IKBKB: variants seen among roughly 807,000 people sequenced by gnomAD.
IKBKB encodes the protein inhibitor of nuclear factor kappa-B kinase subunit beta.
IKBKB carries 42 observed loss-of-function variants against 113.6 expected under a neutral mutation model. The observed-to-expected ratio is 0.37, with a 90% CI of 0.29 to 0.48. IKBKB has a LOEUF of 0.48. Ranked by LOEUF, IKBKB falls within the 20% of genes least tolerant of loss-of-function variation. IKBKB has a pLI of 0.99. For missense variants in IKBKB, 673 were observed against 939.7 expected, an observed-to-expected ratio of 0.72 and a Z score of 3.71; for synonymous variants, 296 against 361.3, an observed-to-expected ratio of 0.82 and a Z score of 2.05.
At chr8:42,283,203 A>G (rs1425844434) in intron 2 of IKBKB, among the ~76,000 whole-genome samples, 1 of 152,180 alleles carries the variant, frequency 6.6e-6, no homozygotes, top group Non-Finnish European at 1.5e-5. Context: ...ATTTGTAGCT[A>G]GACAGATTAC....
At chr8:42,306,178 G>A (rs867300355) in intron 6 of IKBKB, among the ~76,000 whole-genome samples, 165 bp from the exon 7 acceptor site, 1 of 152,148 alleles carries the variant, frequency 6.6e-6, no homozygotes, top group Admixed American at 6.5e-5. Context: ...TGAATCTACC[G>A]TGTCGAGGGC....
At chr8:42,288,601 G>A (rs752277472) in intron 2 of IKBKB, 33 bp from the exon 3 acceptor site, 26 of 1,563,980 alleles carry the variant, frequency 1.7e-5, no homozygotes, top group South Asian at 3.4e-5. Context: ...CCTGCAGCTC[G>A]CTCTGCTGGT....
At chr8:42,319,503 A>G (rs1819365072) in intron 14 of IKBKB, 82 bp downstream of exon 14, 3 of 1,589,912 alleles carry the variant, frequency 1.9e-6, no homozygotes, top group Non-Finnish European at 2.6e-6. Context: ...GTCCTATTAT[A>G]ATTGAGTTGC....
intron 5 of IKBKB, chr8:42,297,948 C>G (rs1476249120): frequency 4.2e-6 from 1 of 237,232 alleles, no homozygotes; most frequent in Non-Finnish European, 6.8e-6. Context: ...GAGGTGAGCC[C>G]CCTGCATCCT....
chr8:42,317,016 C>T (rs780353502), intron 11 of IKBKB, 112 bp downstream of exon 11: 3 of 1,024,434 alleles, frequency 2.9e-6, no homozygotes, highest in Non-Finnish European at 4.4e-6. Flanking sequence ...GTTAATCACA[C>T]AGTGCGGATA....
At chr8:42,296,380 C>A (rs1169183209) in intron 5 of IKBKB, among the ~76,000 whole-genome samples, 1 of 152,156 alleles carries the variant, frequency 6.6e-6, no homozygotes, top group Non-Finnish European at 1.5e-5. Context: ...GCCTATAATC[C>A]CAGCACTTTG....
At chr8:42,272,010 G>C (rs1807867785) in intron 1 of IKBKB, 73 bp from the exon 2 acceptor site, 2 of 1,440,860 alleles carry the variant, frequency 1.4e-6, no homozygotes. Context: ...GGTATCTCTT[G>C]CCTTCTCCAT....
chr8:42,294,056 C>T (rs1002035698), intron 5 of IKBKB, among the ~76,000 whole-genome samples: 2 of 152,226 alleles, frequency 1.3e-5, no homozygotes, highest in African/African-American at 2.4e-5. Context: ...CTCCTAGACC[C>T]TGGCGCTCAC....
chr8:42,289,225 AAG>A (rs899952764), intron 3 of IKBKB, among the ~76,000 whole-genome samples: 6 of 152,072 alleles, frequency 3.9e-5, no homozygotes, highest in Non-Finnish European at 7.4e-5. Flanking sequence ...AAAAAAAGAG[AAG>A]AGAGTCTTAA....
chr8:42,301,820 T>G (rs1815270383), intron 5 of IKBKB, among the ~76,000 whole-genome samples: 1 of 152,196 alleles, frequency 6.6e-6, no homozygotes, highest in Non-Finnish European at 1.5e-5. Flanking sequence ...ATCCGAATGC[T>G]CCTCCTCTTC....
At chr8:42,286,982 T>C (rs1469824129) in intron 2 of IKBKB, among the ~76,000 whole-genome samples, 6 of 152,214 alleles carry the variant, frequency 3.9e-5, no homozygotes, top group African/African-American at 1.4e-4. Context: ...TCAGCTTGTT[T>C]AGCAGTGGCA....
At position 42,331,580 on chromosome 8, in the gene IKBKB, A is replaced by G. The variant is rs199635743; in HGVS notation, c.*601A>G. On this transcript the variant is annotated 3_prime_UTR_variant, in exon 22 of 22. Transcript: ENST00000520810. Reference sequence around the variant, plus strand: ...CATCCTCACTTCCTCTTTTTATTTCACTGCTGCTAAAATTGTGTTTTTACC... The same window carrying G: ...CATCCTCACTTCCTCTTTTTATTTCGCTGCTGCTAAAATTGTGTTTTTACC... 1.7e-6 allele frequency: 1 copy of G among 595,704 alleles called. No individual in the cohort carries two copies. Among genetic ancestry groups the G allele is most frequent in the East Asian group, 2.8e-5 (1 of 36,032 alleles). 36.9% of individuals were successfully genotyped at this position (595,704 alleles called of 1,614,324 possible).
chr8:42,288,558 C>A, intron 2 of IKBKB, 76 bp from the exon 3 acceptor site: 1 of 1,125,316 alleles, frequency 8.9e-7, no homozygotes, highest in East Asian at 2.7e-5. Flanking sequence ...GGCCTGGAGA[C>A]CCCTCCCATG....
intron 6 of IKBKB, 88 bp downstream of exon 6, chr8:42,305,363 G>A (rs1816307611): frequency 7.8e-6 from 6 of 769,648 alleles, no homozygotes; most frequent in African/African-American, 1.7e-5. Flanking sequence ...GCATATTTGT[G>A]TGTATTTGCA....
chr8:42,309,095 T>G, intron 8 of IKBKB, 70 bp downstream of exon 8: 4 of 1,509,840 alleles, frequency 2.6e-6, no homozygotes, highest in Non-Finnish European at 3.6e-6. Context: ...GTACCCTGTT[T>G]CCCTGGCGCC....
chr8:42,299,214 G>C (rs1403326484), intron 5 of IKBKB, among the ~76,000 whole-genome samples: 2 of 152,144 alleles, frequency 1.3e-5, no homozygotes, highest in Non-Finnish European at 2.9e-5. Flanking sequence ...TGTCGAACCT[G>C]GTCTCACAGA....
chr8:42,330,981 G>A lies in IKBKB; in HGVS notation c.*2G>A, dbSNP rs200330845. 5 of 1,613,796 alleles carry A rather than the reference G, an allele frequency of 3.1e-6. No homozygotes were observed. The Admixed American group carries it at 5.0e-5, about 16-fold the overall frequency. On this transcript the variant is annotated 3_prime_UTR_variant, in exon 22 of 22. Coordinates refer to ENST00000520810, the MANE Select transcript of IKBKB (RefSeq NM_001556.3). ...AGCTGCCTGGAGCAGGCCTCATGATGTGGGGGGACTCGACCCCCTGACATG... is the reference window on the plus strand; with the variant it reads ...AGCTGCCTGGAGCAGGCCTCATGATATGGGGGGACTCGACCCCCTGACATG...
intron 2 of IKBKB, among the ~76,000 whole-genome samples, chr8:42,279,119 G>T (rs1438829507): frequency 6.6e-6 from 1 of 152,244 alleles, no homozygotes; most frequent in Non-Finnish European, 1.5e-5. Flanking sequence ...CTACCCGTGA[G>T]CCCGGCCCAG....
chr8:42,317,588 T>A (rs977655286), intron 11 of IKBKB, 69 bp from the exon 12 acceptor site: 1 of 1,035,266 alleles, frequency 9.7e-7, no homozygotes, highest in Non-Finnish European at 1.5e-6. Flanking sequence ...GCTGTGGAAC[T>A]TCTTCATTAT....
Sources: gnomAD v4.1 joint callset for allele counts (sites outside exome capture counted in the v4.1 genomes callset) on GRCh38, gnomAD v4.1.1 for gene constraint, MANE v1.5 for transcripts, NCBI Gene and HGNC (gene_info 2026-07-23, HGNC 2026-07-21) for gene names.